Variants in CLEC16A observed in about 807,000 individuals in gnomAD.
CLEC16A encodes the protein protein CLEC16A.
Under a neutral mutation model 109.5 loss-of-function variants are expected in CLEC16A, and 51 were observed. That is an observed-to-expected ratio of 0.47 (90% CI 0.37 to 0.59). The LOEUF is 0.59. Among genes scored for constraint, CLEC16A ranks in the 20% least tolerant of loss-of-function variants. The probability of loss-of-function intolerance (pLI) is 0.00; values close to 1 mark genes in which losing one functional copy is unlikely to be tolerated. For missense variants in CLEC16A, 1,339 were observed against 1,394.0 expected (o/e 0.96, Z 0.63); for synonymous variants, 673 against 564.2 (o/e 1.19, Z -2.73).
Position 11,037,980 on chromosome 16 carries a change from A to G in CLEC16A, c.1538-1774A>G, listed in dbSNP as rs920410046. ...ATTTAGCATTAACATGGGATACAGA[A>G]GCCACAAATTAAATTTTCACTGCAA... On this transcript the variant is annotated intron_variant, in intron 13 of 23. Coordinates refer to ENST00000409790, the MANE Select transcript of CLEC16A (RefSeq NM_015226.3). 4.6e-5 allele frequency among the ~76,000 whole-genome samples: 7 copies of G among 152,194 alleles called. 1 individual carries two copies. The East Asian group carries it at 1.3e-3, about 29-fold the overall frequency.
chr16:11,172,373 C>T (rs1306053043), intron 23 of CLEC16A, among the ~76,000 whole-genome samples: 4 of 152,180 alleles, frequency 2.6e-5, no homozygotes, highest in Non-Finnish European at 5.9e-5. Flanking sequence ...AAAACCATCT[C>T]CTCAGATAAG....
intron 22 of CLEC16A, among the ~76,000 whole-genome samples, chr16:11,127,031 T>C (rs2052872548): frequency 6.6e-6 from 1 of 152,246 alleles, no homozygotes; most frequent in African/African-American, 2.4e-5. Flanking sequence ...ATTATTTATA[T>C]GTATATACCG....
At chr16:10,987,697 C>T (rs1307652404) in intron 10 of CLEC16A, among the ~76,000 whole-genome samples, 1 of 152,174 alleles carries the variant, frequency 6.6e-6, no homozygotes, top group East Asian at 1.9e-4. Context: ...CCTTCTGTGA[C>T]TTGTTTGATA....
At chr16:11,139,171 G>A (rs1173598094) in intron 22 of CLEC16A, among the ~76,000 whole-genome samples, 1 of 152,122 alleles carries the variant, frequency 6.6e-6, no homozygotes, top group Non-Finnish European at 1.5e-5. Context: ...CGGGAGTTGT[G>A]GTGACTAGAA....
At chr16:11,036,338 C>T (rs533943860) in intron 13 of CLEC16A, among the ~76,000 whole-genome samples, 98 of 152,126 alleles carry the variant, frequency 6.4e-4, no homozygotes, top group African/African-American at 2.2e-3. Flanking sequence ...GTCTGCTCCA[C>T]TCCCTGCAGT....
intron 11 of CLEC16A, among the ~76,000 whole-genome samples, chr16:11,006,381 A>G (rs1348246460): frequency 3.3e-5 from 5 of 152,182 alleles, no homozygotes. Flanking sequence ...GTCACACTGT[A>G]TTTCTGGGTA....
chr16:11,138,710 C>T (rs866734478), intron 22 of CLEC16A, among the ~76,000 whole-genome samples: 2 of 152,190 alleles, frequency 1.3e-5, no homozygotes, highest in African/African-American at 4.8e-5. Flanking sequence ...ACCTAAATGA[C>T]CACTGTTTTC....
At chr16:11,158,131 G>T (rs2054599187) in intron 22 of CLEC16A, among the ~76,000 whole-genome samples, 1 of 152,178 alleles carries the variant, frequency 6.6e-6, no homozygotes, top group African/African-American at 2.4e-5. Flanking sequence ...GAGAAATAAG[G>T]CCATGCACAC....
chr16:11,152,480 C>T (rs1431784624), intron 22 of CLEC16A, among the ~76,000 whole-genome samples: 2 of 152,208 alleles, frequency 1.3e-5, no homozygotes, highest in African/African-American at 4.8e-5. Context: ...ACGGGGGGCC[C>T]AAGCTCTGTG....
At position 11,156,747 on chromosome 16, in the gene CLEC16A, C is replaced by T. The variant is rs2054539362; in HGVS notation, c.2642-9641C>T. The stretch of plus-strand genomic sequence containing the variant: ...GGACTGGGTCCTTGGGAATCAAGCC[C>T]AGCCCTGGCGACCTTCAGTTCTAGA... On this transcript the variant is annotated intron_variant, in intron 22 of 23. Transcript: ENST00000409790. 8.5e-6 allele frequency: 9 copies of T among 1,058,756 alleles called. 1 individual carries two copies. The South Asian group carries it at 1.2e-4, about 14-fold the overall frequency. 65.6% of individuals were successfully genotyped at this position (1,058,756 alleles called of 1,614,324 possible). A position where few individuals can be genotyped will look rare whatever the true frequency, so the allele number is the denominator to read the frequency against.
intron 23 of CLEC16A, among the ~76,000 whole-genome samples, chr16:11,170,493 A>G (rs1431058249): frequency 6.6e-6 from 1 of 152,112 alleles, no homozygotes; most frequent in Admixed American, 6.5e-5. Context: ...ATTTATCCCA[A>G]ACACGTTCTC....
intron 19 of CLEC16A, among the ~76,000 whole-genome samples, chr16:11,105,258 G>C (rs1480227851): frequency 6.6e-6 from 1 of 152,192 alleles, no homozygotes; most frequent in Non-Finnish European, 1.5e-5. Context: ...ATGCCAGACT[G>C]TACTTGGAAC....
intron 22 of CLEC16A, among the ~76,000 whole-genome samples, chr16:11,139,968 C>T (rs1035932400): frequency 1.3e-5 from 2 of 152,184 alleles, no homozygotes; most frequent in Admixed American, 1.3e-4. Flanking sequence ...AGTTATTAGT[C>T]CTACTTTTAT....
chr16:11,105,009 G>T lies in CLEC16A; in HGVS notation c.2117-15606G>T, dbSNP rs967680965. On this transcript the variant is annotated intron_variant, in intron 19 of 23. Transcript: ENST00000409790. ...CCTAGATTCCATGTGACTTTATCTG[G>T]CTGCATAATGAGCTTAAGTATTCAG... Among the ~76,000 whole-genome samples, 4 of 152,288 alleles carry T rather than the reference G, an allele frequency of 2.6e-5. No homozygotes were observed. The East Asian group carries it at 7.7e-4, about 29-fold the overall frequency.
chr16:11,112,700 A>T (rs1390954131), intron 19 of CLEC16A, among the ~76,000 whole-genome samples: 1 of 152,100 alleles, frequency 6.6e-6, no homozygotes, highest in Non-Finnish European at 1.5e-5. Context: ...CATACATATG[A>T]CATGCAGCAA....
Position 11,158,253 on chromosome 16 carries a change from T to G in CLEC16A, c.2642-8135T>G, listed in dbSNP as rs117486556. 1.5e-3 allele frequency among the ~76,000 whole-genome samples: 228 copies of G among 152,254 alleles called. 3 individuals are homozygous for G. The East Asian group carries it at 0.034, about 23-fold the overall frequency. On this transcript the variant is annotated intron_variant, in intron 22 of 23. Transcript: ENST00000409790. ...TATGAACACTGCATCGTCAGAAACC[T>G]GAGCCACAGCCTCGGAATGAATTTG... is the stretch of plus-strand genomic sequence containing the variant.
chr16:11,025,866 C>T (rs74495334), intron 13 of CLEC16A, among the ~76,000 whole-genome samples: 2,236 of 152,284 alleles, frequency 0.015, 38 homozygotes, highest in South Asian at 0.032. Flanking sequence ...AAGGCAGTTC[C>T]TGCTACCGGT....
At chr16:11,073,119 A>T (rs943878498) in intron 19 of CLEC16A, among the ~76,000 whole-genome samples, 10 of 152,152 alleles carry the variant, frequency 6.6e-5, no homozygotes, top group African/African-American at 2.4e-4. Context: ...TTAACATGAA[A>T]CCCAAGAGGC....
At chr16:11,012,327 G>T (rs2045471329) in intron 11 of CLEC16A, among the ~76,000 whole-genome samples, 1 of 152,206 alleles carries the variant, frequency 6.6e-6, no homozygotes, top group Non-Finnish European at 1.5e-5. Context: ...CGGGCACGGT[G>T]GCTTACGCCT....
Sources: allele counts gnomAD v4.1 joint callset (sites outside exome capture counted in the v4.1 genomes callset), GRCh38; gene constraint gnomAD v4.1.1; transcripts MANE v1.5; gene names NCBI Gene and HGNC (gene_info 2026-07-23, HGNC 2026-07-21).